COL21A1: variants seen among roughly 807,000 people sequenced by gnomAD.
COL21A1 encodes collagen type XXI alpha 1 chain.
In COL21A1, 149 loss-of-function variants were observed where a neutral mutation model predicts 137.9. The ratio of observed to expected loss-of-function variants is 1.08; its 90% confidence interval spans 0.95 to 1.24. The LOEUF (loss-of-function observed/expected upper bound fraction) is 1.24. Among genes scored for constraint, COL21A1 ranks in the 50% most tolerant of loss-of-function variants. The probability of loss-of-function intolerance (pLI) is 0.00; values close to 1 mark genes in which losing one functional copy is unlikely to be tolerated. For synonymous variants in COL21A1, 456 were observed against 391.5 expected, an observed-to-expected ratio of 1.16 and a Z score of -1.95; for missense variants, 1,167 against 1,158.4, an observed-to-expected ratio of 1.01 and a Z score of -0.11.
chr6:56,084,107 A>T (rs1365219355), intron 17 of COL21A1, among the ~76,000 whole-genome samples: 1 of 151,898 alleles, frequency 6.6e-6, no homozygotes, highest in East Asian at 1.9e-4. Context: ...GTGAAACACT[A>T]GACATTTCTA....
In COL21A1 at chr6:56,168,263, A is replaced by T; in HGVS notation, c.1061T>A (p.Leu354His). 6.4e-7 allele frequency: 1 copy of T among 1,551,084 alleles called. No homozygotes were observed. The highest frequency in any genetic ancestry group is 1.3e-5 in the South Asian group (1 of 78,286). ...AGTCACATCTTGTTCTGTTACTAAG[A>T]GACGAATTTGGTGCCAGCCTTCATC... The part of the protein sequence containing the change: ...LFDEGWHQIR[L>H]LVTEQDVTLY... The change falls in exon 6 of 30, where the codon CTC becomes CAC. Residue 354 changes from leucine (L) to histidine (H), a missense_variant. Leu to His is a moderately conservative substitution (Grantham distance 99). Transcript: ENST00000244728.
At chr6:56,263,979 C>G (rs1238571059) in intron 1 of COL21A1, among the ~76,000 whole-genome samples, 1 of 152,092 alleles carries the variant, frequency 6.6e-6, no homozygotes, top group Non-Finnish European at 1.5e-5. Context: ...AACACACACA[C>G]ACACACACAA....
At chr6:56,295,582 C>A (rs1764146083) in intron 1 of COL21A1, among the ~76,000 whole-genome samples, 1 of 151,660 alleles carries the variant, frequency 6.6e-6, no homozygotes, top group Non-Finnish European at 1.5e-5. Flanking sequence ...TATGGAGTAT[C>A]TTTTCATTTA....
chr6:56,335,303 G>T (rs1261886084), intron 1 of COL21A1, among the ~76,000 whole-genome samples: 2 of 152,074 alleles, frequency 1.3e-5, no homozygotes, highest in Admixed American at 1.3e-4. Context: ...ACAACCTGCA[G>T]CAAGCTTCCC....
chr6:56,392,078 T>A (rs1581805930), intron 1 of COL21A1, among the ~76,000 whole-genome samples: 1 of 151,680 alleles, frequency 6.6e-6, no homozygotes, highest in Non-Finnish European at 1.5e-5. Context: ...GGCCAATAAC[T>A]CAGATGAACA....
chr6:56,305,165 T>C (rs1764410703), intron 1 of COL21A1, among the ~76,000 whole-genome samples: 1 of 152,206 alleles, frequency 6.6e-6, no homozygotes, highest in Admixed American at 6.5e-5. Context: ...ATGTGGTCAA[T>C]TTTGGAATAA....
intron 1 of COL21A1, among the ~76,000 whole-genome samples, chr6:56,231,443 C>T (rs1432123762): frequency 6.6e-6 from 1 of 151,712 alleles, no homozygotes; most frequent in Non-Finnish European, 1.5e-5. Flanking sequence ...GTACTGAGAA[C>T]TAGACTCTCT....
chr6:56,090,684 A>G (rs959269180), intron 17 of COL21A1, among the ~76,000 whole-genome samples: 2 of 152,042 alleles, frequency 1.3e-5, no homozygotes, highest in African/African-American at 4.8e-5. Flanking sequence ...ATGACAATAA[A>G]TTATTATAAT....
intron 1 of COL21A1, among the ~76,000 whole-genome samples, chr6:56,308,876 A>C (rs1168010211): frequency 6.6e-6 from 1 of 152,148 alleles, no homozygotes; most frequent in Non-Finnish European, 1.5e-5. Flanking sequence ...AGCAAATTCC[A>C]CTGGGAAGTA....
At chr6:56,272,946 C>A (rs1427043476) in intron 1 of COL21A1, among the ~76,000 whole-genome samples, 1 of 152,142 alleles carries the variant, frequency 6.6e-6, no homozygotes, top group Non-Finnish European at 1.5e-5. Flanking sequence ...TGAAAATGGA[C>A]TAATACACAT....
intron 1 of COL21A1, among the ~76,000 whole-genome samples, chr6:56,312,050 G>A (rs1178938353): frequency 6.6e-6 from 1 of 152,158 alleles, no homozygotes; most frequent in Non-Finnish European, 1.5e-5. Context: ...ACTATTCAGC[G>A]AATCTGGAAT....
At chr6:56,161,389 G>A (rs953603531) in intron 9 of COL21A1, among the ~76,000 whole-genome samples, 8 of 152,110 alleles carry the variant, frequency 5.3e-5, no homozygotes, top group Admixed American at 3.9e-4. Context: ...TTGCATGCAC[G>A]GGTCATTTGA....
intron 1 of COL21A1, among the ~76,000 whole-genome samples, chr6:56,299,205 G>C (rs968724369): frequency 6.6e-6 from 1 of 152,092 alleles, no homozygotes; most frequent in African/African-American, 2.4e-5. Context: ...ATTCTATCCA[G>C]CTAAAAATTC....
intron 1 of COL21A1, among the ~76,000 whole-genome samples, chr6:56,277,842 A>T (rs1763703760): frequency 6.6e-6 from 1 of 152,240 alleles, no homozygotes. Context: ...TTATTAAGAT[A>T]CAGACTTAAC....
chr6:56,349,359 AAT>A (rs1491380210), intron 1 of COL21A1, among the ~76,000 whole-genome samples: 23 of 146,946 alleles, frequency 1.6e-4, no homozygotes, highest in Admixed American at 4.2e-4. Context: ...AAAAAAAAAA[AAT>A]TTAACCACAT....
intron 16 of COL21A1, among the ~76,000 whole-genome samples, chr6:56,119,141 T>C (rs1772215665): frequency 6.6e-6 from 1 of 152,110 alleles, no homozygotes; most frequent in African/African-American, 2.4e-5. Flanking sequence ...AGTAAAATTA[T>C]CCTTGTTTGC....
intron 1 of COL21A1, among the ~76,000 whole-genome samples, chr6:56,298,848 T>C (rs1582764382): frequency 6.6e-6 from 1 of 152,168 alleles, no homozygotes; most frequent in East Asian, 1.9e-4. Context: ...ATTTAAGAAA[T>C]GCAAGTTACT....
chr6:56,275,057 T>C (rs1055911743), intron 1 of COL21A1, among the ~76,000 whole-genome samples: 7 of 151,730 alleles, frequency 4.6e-5, no homozygotes, highest in African/African-American at 1.5e-4. Flanking sequence ...AGAAATAAAG[T>C]CCCACACTGC....
chr6:56,063,656 C>T (rs1439832134), intron 24 of COL21A1, among the ~76,000 whole-genome samples: 1 of 152,036 alleles, frequency 6.6e-6, no homozygotes, highest in Non-Finnish European at 1.5e-5. Flanking sequence ...CCTTCCATCC[C>T]ACGTTGCAGA....
Sources: allele counts gnomAD v4.1 joint callset (sites outside exome capture counted in the v4.1 genomes callset), GRCh38; gene constraint gnomAD v4.1.1; transcripts MANE v1.5; gene names NCBI Gene and HGNC (gene_info 2026-07-23, HGNC 2026-07-21).